PLD5: variants seen among roughly 807,000 people sequenced by gnomAD.
PLD5 encodes the protein inactive phospholipase D5.
PLD5 carries 36 observed loss-of-function variants against 61.1 expected under a neutral mutation model. That is an observed-to-expected ratio of 0.59 (90% CI 0.45 to 0.78). The LOEUF (loss-of-function observed/expected upper bound fraction) is 0.78, where lower values mean the gene tolerates loss of function less well. Ranked by LOEUF, PLD5 falls within the 30% of genes least tolerant of loss-of-function variation. PLD5 has a pLI of 0.00. For synonymous variants in PLD5, 243 were observed against 242.8 expected (o/e 1.00, Z -0.01); for missense variants, 515 against 644.4 (o/e 0.80, Z 2.17).
chr1:242,519,554 C>G (rs951225594), intron 1 of PLD5, among the ~76,000 whole-genome samples: 1 of 152,194 alleles, frequency 6.6e-6, no homozygotes, highest in Admixed American at 6.5e-5. Flanking sequence ...CTGAGACATC[C>G]TGCCGATAAA....
intron 1 of PLD5, among the ~76,000 whole-genome samples, chr1:242,418,871 T>G (rs1664971645): frequency 6.6e-6 from 1 of 152,122 alleles, no homozygotes; most frequent in Non-Finnish European, 1.5e-5. Flanking sequence ...CATCCTAGAG[T>G]CATGTGGCAA....
chr1:242,161,825 A>G (rs1326368421), intron 5 of PLD5, among the ~76,000 whole-genome samples: 1 of 152,138 alleles, frequency 6.6e-6, no homozygotes, highest in Admixed American at 6.5e-5. Context: ...TGATTTCTCA[A>G]TCAAGACAGG....
At position 242,321,596 on chromosome 1, in the gene PLD5, C is replaced by T. The variant is rs569826874; in HGVS notation, c.326+26510G>A. Among the ~76,000 whole-genome samples, 6 of 152,244 alleles carry T rather than the reference C, an allele frequency of 3.9e-5. No individual in the cohort carries two copies. The South Asian group carries it at 6.2e-4, about 16-fold the overall frequency. On this transcript the variant is annotated intron_variant, in intron 2 of 9. Coordinates refer to ENST00000536534, the MANE Select transcript of PLD5 (RefSeq NM_001372062.1). ...CTGGGATTACAGGTGTCAGCCACCA[C>T]GCCCGGCCCCATCTATTCTTTTTGA...
chr1:242,085,011 G>T lies in PLD5; in HGVS notation c.*4843C>A, dbSNP rs1659387978. ...TACTTCTGAAAAAACTGAGCATCTG[G>T]TTATACGAAAGGTTTGATAATTTTA... On this transcript the variant is annotated 3_prime_UTR_variant, in exon 10 of 10. Coordinates refer to ENST00000536534, the MANE Select transcript of PLD5 (RefSeq NM_001372062.1). The T allele has an allele frequency of 6.6e-6, 1 of 151,942 alleles. No individual in the cohort carries two copies. The highest frequency in any genetic ancestry group is 2.1e-4 in the South Asian group (1 of 4,820). 9.4% of individuals were successfully genotyped at this position (151,942 alleles called of 1,614,324 possible). A position where few individuals can be genotyped will look rare whatever the true frequency, so the allele number is the denominator to read the frequency against.
chr1:242,110,515 A>G (rs1661399021), intron 7 of PLD5, among the ~76,000 whole-genome samples: 1 of 152,070 alleles, frequency 6.6e-6, no homozygotes, highest in African/African-American at 2.4e-5. Flanking sequence ...CTCAATAAAT[A>G]TTTGTTGACT....
intron 4 of PLD5, among the ~76,000 whole-genome samples, chr1:242,261,310 A>G (rs1047129929): frequency 6.6e-6 from 1 of 152,246 alleles, no homozygotes; most frequent in Non-Finnish European, 1.5e-5. Flanking sequence ...AAGTATAAAA[A>G]TGAACCTTTA....
intron 4 of PLD5, among the ~76,000 whole-genome samples, chr1:242,255,065 C>A (rs1270515396): frequency 2.0e-5 from 3 of 152,028 alleles, no homozygotes; most frequent in African/African-American, 7.2e-5. Context: ...CCGGGGTGAC[C>A]GTTGGGGCAC....
chr1:242,190,360 A>G (rs2043608308), intron 5 of PLD5, among the ~76,000 whole-genome samples: 1 of 151,310 alleles, frequency 6.6e-6, no homozygotes, highest in Admixed American at 6.6e-5. Flanking sequence ...GTTAGCCAGG[A>G]TGGTCTCGAT....
Position 242,397,333 on chromosome 1 carries a change from G to GT in PLD5, c.190-49092dup, listed in dbSNP as rs1000946499. The stretch of plus-strand genomic sequence containing the variant: ...GCTGCTTGAATTATCCTTGACTTCT[G>GT]TTTTTTTTCTTTGTTTTTTTTTTCC... On this transcript the variant is annotated intron_variant, in intron 1 of 9. Transcript: ENST00000536534. 1.7e-4 allele frequency among the ~76,000 whole-genome samples: 22 copies of GT among 128,790 alleles called. 1 individual carries two copies. The highest frequency in any genetic ancestry group is 1.7e-4 in the Admixed American group (2 of 11,486). The allele number at this position is 128,790 out of a possible 152,430, so 84.5% of individuals were successfully genotyped here. A position where few individuals can be genotyped will look rare whatever the true frequency, so the allele number is the denominator to read the frequency against.
intron 1 of PLD5, among the ~76,000 whole-genome samples, chr1:242,506,974 C>G (rs1668744471): frequency 6.6e-6 from 1 of 152,172 alleles, no homozygotes; most frequent in Non-Finnish European, 1.5e-5. Context: ...CCACCGTCCT[C>G]AGTAGCAGCA....
chr1:242,270,896 T>C (rs1182725451), intron 3 of PLD5, among the ~76,000 whole-genome samples: 1 of 152,078 alleles, frequency 6.6e-6, no homozygotes, highest in African/African-American at 2.4e-5. Context: ...TCTGATAAAG[T>C]TAAATATCAA....
rs77909189 is a variant in PLD5, at chr1:242,184,195, G to T, written c.735+35793C>A. On this transcript the variant is annotated intron_variant, in intron 5 of 9. Transcript: ENST00000536534. ...CAGCAAACACCAAAATCCTAGTTTC[G>T]CCATGAACACTGAAATTATGAACTA... Among the ~76,000 whole-genome samples, 448 of 152,060 alleles carry T rather than the reference G, an allele frequency of 2.9e-3. 4 individuals are homozygous for T. The highest frequency in any genetic ancestry group is 0.01 in the African/African-American group (431 of 41,478).
upstream of PLD5, among the ~76,000 whole-genome samples, chr1:242,527,220 T>G (rs1669470222): frequency 7.3e-6 from 1 of 137,450 alleles, no homozygotes; most frequent in Non-Finnish European, 1.5e-5. Context: ...AATCCCCACC[T>G]CCCAGGTTCA....
intron 5 of PLD5, among the ~76,000 whole-genome samples, chr1:242,147,756 ATTTC>A (rs1425949829): frequency 1.3e-5 from 2 of 152,120 alleles, no homozygotes; most frequent in Non-Finnish European, 2.9e-5. Context: ...TTTAATTTGC[ATTTC>A]TTTAATGACT....
rs1659546696 is a variant in PLD5, at chr1:242,087,921, G to A, written c.*1933C>T. The stretch of plus-strand genomic sequence containing the variant: ...ATCTCCCAATTAGTCATAAAACCAT[G>A]CTACCCTTAAAAATACAGCTTCCTT... On this transcript the variant is annotated 3_prime_UTR_variant, in exon 10 of 10. Coordinates refer to ENST00000536534, the MANE Select transcript of PLD5 (RefSeq NM_001372062.1). The A allele has an allele frequency of 6.6e-6, 1 of 152,184 alleles. No individual in the cohort carries two copies. The highest frequency in any genetic ancestry group is 2.1e-4 in the South Asian group (1 of 4,834). 9.4% of individuals were successfully genotyped at this position (152,184 alleles called of 1,614,324 possible).
chr1:242,293,588 C>T (rs1675490948), intron 2 of PLD5, among the ~76,000 whole-genome samples: 1 of 152,080 alleles, frequency 6.6e-6, no homozygotes, highest in Admixed American at 6.5e-5. Flanking sequence ...CTTCCCACGC[C>T]CACTGGGGGT....
At chr1:242,131,835 C>CTT (rs10694688) in intron 5 of PLD5, among the ~76,000 whole-genome samples, 51,664 of 122,680 alleles carry the variant, frequency 0.42, 11,549 homozygotes, top group East Asian at 0.59. Flanking sequence ...TCTTTCTTTC[C>CTT]TTTTTTTTTT....
intron 5 of PLD5, among the ~76,000 whole-genome samples, chr1:242,179,848 A>T (rs1475086136): frequency 6.6e-6 from 1 of 152,194 alleles, no homozygotes; most frequent in Non-Finnish European, 1.5e-5. Context: ...GGTTGCAGTG[A>T]GCTGAGATTT....
At chr1:242,529,641 G>A (rs1290808455), upstream of PLD5, among the ~76,000 whole-genome samples, 2 of 152,134 alleles carry the variant, frequency 1.3e-5, no homozygotes, top group African/African-American at 4.8e-5. Context: ...CCCCCACAGT[G>A]ACCTGGAGAG....
Sources: allele counts gnomAD v4.1 joint callset (sites outside exome capture counted in the v4.1 genomes callset), GRCh38; gene constraint gnomAD v4.1.1; transcripts MANE v1.5; gene names NCBI Gene and HGNC (gene_info 2026-07-23, HGNC 2026-07-21).